POU2F1: variants seen among roughly 807,000 people sequenced by gnomAD.
The protein encoded by POU2F1 is POU class 2 homeobox 1.
A neutral mutation model predicts 84.9 loss-of-function variants in POU2F1; 16 were observed. The ratio of observed to expected loss-of-function variants is 0.19; its 90% CI spans 0.13 to 0.29. The LOEUF (loss-of-function observed/expected upper bound fraction) is 0.29. Among genes scored for constraint, POU2F1 ranks in the 10% least tolerant of loss-of-function variants. POU2F1 has a pLI of 1.00. For synonymous variants in POU2F1, 368 were observed against 368.3 expected (o/e 1.00, Z 0.01); for missense variants, 738 against 942.6 (o/e 0.78, Z 2.84).
intron 2 of POU2F1, among the ~76,000 whole-genome samples, chr1:167,336,521 G>A (rs1380593882): frequency 6.6e-6 from 1 of 152,010 alleles, no homozygotes; most frequent in East Asian, 1.9e-4. Flanking sequence ...CCAAAGCAGA[G>A]GCAAGTCATA....
intron 1 of POU2F1, among the ~76,000 whole-genome samples, chr1:167,252,079 C>G (rs1330033352): frequency 1.3e-5 from 2 of 151,782 alleles, no homozygotes; most frequent in African/African-American, 4.8e-5. Flanking sequence ...CCAGGCTGGT[C>G]TGGAATGCCT....
chr1:167,241,105 G>A (rs1232616458), intron 1 of POU2F1, among the ~76,000 whole-genome samples: 1 of 152,080 alleles, frequency 6.6e-6, no homozygotes, highest in Admixed American at 6.5e-5. Flanking sequence ...TCGCACCATT[G>A]CACTCCAGCC....
At chr1:167,285,335 T>C (rs1442180086) in intron 1 of POU2F1, among the ~76,000 whole-genome samples, 2 of 152,234 alleles carry the variant, frequency 1.3e-5, no homozygotes, top group African/African-American at 4.8e-5. Flanking sequence ...CCGGGTGCGG[T>C]GGCTCACGCC....
At chr1:167,383,310 G>T (rs1223789289) in intron 7 of POU2F1, among the ~76,000 whole-genome samples, 1 of 152,202 alleles carries the variant, frequency 6.6e-6, no homozygotes, top group Admixed American at 6.5e-5. Context: ...TACTTTGAAT[G>T]TCAGTTTGTC....
intron 7 of POU2F1, chr1:167,380,612 A>G (rs1156532478): frequency 6.6e-6 from 1 of 152,248 alleles, no homozygotes; most frequent in Non-Finnish European, 1.5e-5. Context: ...ATTGTAATTA[A>G]TAGCATCAGA....
chr1:167,230,807 G>A (rs1190642855), intron 1 of POU2F1, among the ~76,000 whole-genome samples: 2 of 152,230 alleles, frequency 1.3e-5, no homozygotes, highest in Non-Finnish European at 2.9e-5. Context: ...TAGGGACAGA[G>A]TAGGCCTAGA....
intron 15 of POU2F1, 68 bp downstream of exon 15, chr1:167,413,182 T>TGTGC (rs1284776493): frequency 7.5e-7 from 1 of 1,333,944 alleles, no homozygotes; most frequent in Non-Finnish European, 1.1e-6. Context: ...TGTGTGTGTG[T>TGTGC]GTGTGTGCTT....
intron 8 of POU2F1, among the ~76,000 whole-genome samples, chr1:167,386,243 A>G (rs1412489904): frequency 6.6e-6 from 1 of 152,168 alleles, no homozygotes; most frequent in Non-Finnish European, 1.5e-5. Context: ...CCCAGGCTGG[A>G]GTGCAGTGGC....
At chr1:167,222,630 T>C (rs957270358) in intron 1 of POU2F1, among the ~76,000 whole-genome samples, 1 of 152,110 alleles carries the variant, frequency 6.6e-6, no homozygotes, top group Non-Finnish European at 1.5e-5. Context: ...ATAACCAAAA[T>C]GACTACCTCC....
chr1:167,329,147 C>A (rs1221549248), intron 1 of POU2F1: 4 of 1,401,738 alleles, frequency 2.9e-6, no homozygotes, highest in Admixed American at 5.3e-5. Flanking sequence ...CCACCCTACG[C>A]AACCCCCCTC....
At chr1:167,334,987 A>C (rs939767655) in intron 2 of POU2F1, among the ~76,000 whole-genome samples, 1 of 152,136 alleles carries the variant, frequency 6.6e-6, no homozygotes, top group Non-Finnish European at 1.5e-5. Flanking sequence ...GTGACACTTT[A>C]AGGAGAATGA....
intron 2 of POU2F1, 36 bp from the exon 3 acceptor site, chr1:167,365,431 C>G: frequency 6.9e-7 from 1 of 1,443,924 alleles, no homozygotes; most frequent in Non-Finnish European, 9.4e-7. Flanking sequence ...TCATTTATTT[C>G]TTTTAATAGT....
intron 1 of POU2F1, among the ~76,000 whole-genome samples, chr1:167,270,223 G>A (rs1482581739): frequency 1.3e-5 from 2 of 151,570 alleles, no homozygotes; most frequent in Admixed American, 6.6e-5. Flanking sequence ...AATATACATA[G>A]CACATTCAAC....
At chr1:167,320,717 A>G (rs1656247024) in intron 1 of POU2F1, among the ~76,000 whole-genome samples, 2 of 152,218 alleles carry the variant, frequency 1.3e-5, no homozygotes. Flanking sequence ...CCAGTAGGTG[A>G]ATGCTGAGTT....
chr1:167,256,746 G>A (rs376907145), intron 1 of POU2F1, among the ~76,000 whole-genome samples: 1 of 152,094 alleles, frequency 6.6e-6, no homozygotes, highest in African/African-American at 2.4e-5. Context: ...TTTCCCCTTG[G>A]TGGTTGTATT....
At chr1:167,275,502 A>C (rs1449945772) in intron 1 of POU2F1, among the ~76,000 whole-genome samples, 1 of 152,192 alleles carries the variant, frequency 6.6e-6, no homozygotes, top group East Asian at 1.9e-4. Flanking sequence ...CTGAAATTGA[A>C]GATGGGGCCA....
chr1:167,353,102 T>G (rs1464511490), intron 2 of POU2F1, among the ~76,000 whole-genome samples: 1 of 152,222 alleles, frequency 6.6e-6, no homozygotes, highest in African/African-American at 2.4e-5. Flanking sequence ...TGCTTGAACT[T>G]AATATAAATC....
Position 167,416,158 on chromosome 1 carries a change from T to C in POU2F1, c.*348T>C. The C allele has an allele frequency of 2.5e-6, 1 of 398,574 alleles. No homozygotes were observed. The highest frequency in any genetic ancestry group is 2.1e-5 in the South Asian group (1 of 46,952). The allele number at this position is 398,574 out of a possible 1,614,324, so 24.7% of individuals were successfully genotyped here. ...AAATAAGTGAAAGGACTACTTATCA[T>C]TTCCAGCAGTCATGATGACAAGTTA... On this transcript the variant is annotated 3_prime_UTR_variant, in exon 16 of 16. Coordinates refer to ENST00000367866, the MANE Select transcript of POU2F1 (RefSeq NM_002697.4).
chr1:167,261,482 T>C (rs1651564710), intron 1 of POU2F1, among the ~76,000 whole-genome samples: 1 of 152,142 alleles, frequency 6.6e-6, no homozygotes. Context: ...GAGCAAGATA[T>C]AGGGATAGAT....
Sources: allele counts gnomAD v4.1 joint callset (sites outside exome capture counted in the v4.1 genomes callset), GRCh38; gene constraint gnomAD v4.1.1; transcripts MANE v1.5; gene names NCBI Gene and HGNC (gene_info 2026-07-23, HGNC 2026-07-21).